Variants in RABGAP1 observed in about 807,000 individuals in gnomAD.
The protein encoded by RABGAP1 is rab GTPase-activating protein 1.
Under a neutral mutation model 137.6 loss-of-function variants are expected in RABGAP1, and 23 were observed. The ratio of observed to expected loss-of-function variants is 0.17; its 90% CI spans 0.12 to 0.24. RABGAP1 has a LOEUF of 0.24. Among genes scored for constraint, RABGAP1 ranks in the 10% least tolerant of loss-of-function variants. The probability of loss-of-function intolerance (pLI) is 1.00; values close to 1 mark genes in which losing one functional copy is unlikely to be tolerated. For synonymous variants in RABGAP1, 451 were observed against 450.7 expected (o/e 1.00, Z -0.01); for missense variants, 906 against 1,275.8 (o/e 0.71, Z 4.42).
At chr9:123,019,849 T>C (rs574828023) in intron 12 of RABGAP1, among the ~76,000 whole-genome samples, 3 of 152,182 alleles carry the variant, frequency 2.0e-5, no homozygotes, top group Admixed American at 2.0e-4. Context: ...GCCACCATGA[T>C]GGGCTAATTT....
chr9:123,008,999 T>C (rs1229597182), intron 10 of RABGAP1, among the ~76,000 whole-genome samples: 1 of 152,214 alleles, frequency 6.6e-6, no homozygotes, highest in African/African-American at 2.4e-5. Flanking sequence ...AGTAGCTAAG[T>C]CAAAATGGCA....
chr9:123,060,573 C>G (rs1170212041), intron 13 of RABGAP1, among the ~76,000 whole-genome samples: 1 of 152,190 alleles, frequency 6.6e-6, no homozygotes, highest in African/African-American at 2.4e-5. Context: ...CTGCCATGTT[C>G]TTTACCAAAG....
intron 13 of RABGAP1, among the ~76,000 whole-genome samples, chr9:123,051,310 C>T (rs1034178678): frequency 5.3e-5 from 7 of 131,844 alleles, no homozygotes; most frequent in African/African-American, 1.7e-4. Flanking sequence ...TGCAATGGCG[C>T]GATCTTGGCC....
chr9:122,989,691 G>T, intron 5 of RABGAP1: 1 of 577,430 alleles, frequency 1.7e-6, no homozygotes, highest in Non-Finnish European at 3.0e-6. Context: ...GAGATCTGTT[G>T]GCTACTTTTG....
At chr9:123,057,808 C>A (rs189484725) in intron 13 of RABGAP1, among the ~76,000 whole-genome samples, 1 of 152,198 alleles carries the variant, frequency 6.6e-6, no homozygotes, top group Non-Finnish European at 1.5e-5. Context: ...CCCAGCACCT[C>A]GGGAGGCTGA....
At chr9:123,101,436 C>T (rs923661815) in intron 24 of RABGAP1, 130 bp from the exon 25 acceptor site, 1 of 819,298 alleles carries the variant, frequency 1.2e-6, no homozygotes. Context: ...TTACAAAGAG[C>T]ACAGGTTTTC....
chr9:123,084,736 A>T (rs1200450876), intron 19 of RABGAP1, among the ~76,000 whole-genome samples: 2 of 152,192 alleles, frequency 1.3e-5, no homozygotes, highest in South Asian at 4.1e-4. Context: ...AAAATACTTC[A>T]CTGTGTGCTA....
At chr9:123,073,232 G>C (rs1014196276) in intron 15 of RABGAP1, among the ~76,000 whole-genome samples, 5 of 152,196 alleles carry the variant, frequency 3.3e-5, no homozygotes, top group African/African-American at 4.8e-5. Flanking sequence ...GTTTCTGACT[G>C]CCTTAGGCAG....
intron 1 of RABGAP1, among the ~76,000 whole-genome samples, chr9:122,943,072 CTTTTTTTTTTT>C (rs10582436): frequency 1.5e-4 from 17 of 116,176 alleles, no homozygotes; most frequent in African/African-American, 6.8e-4. Context: ...GGTGCACTTT[CTTTTTTTTTTT>C]TTTTTTTTTT....
intron 2 of RABGAP1, among the ~76,000 whole-genome samples, chr9:122,964,176 T>C (rs1333731009): frequency 2.0e-5 from 3 of 152,176 alleles, no homozygotes; most frequent in Non-Finnish European, 4.4e-5. Flanking sequence ...CAAACTCTTC[T>C]CTGGAATAGA....
At position 123,089,817 on chromosome 9, in the gene RABGAP1, G is replaced by C. The variant is rs756420919; in HGVS notation, c.2484G>C (p.Gln828His). Reference protein sequence around the residue: ...EKEYHTMREQQAQQEDPIERF... With the variant: ...EKEYHTMREQHAQQEDPIERF... ...AATATCACACCATGAGGGAACAGCA[G>C]GCCCAGCAAGAAGACCCCATCGAGC... is the stretch of plus-strand genomic sequence containing the variant. Residue 828 changes from glutamine to histidine, a missense_variant, in exon 20 of 26, where the codon CAG (glutamine) becomes CAC (histidine). Physicochemically the swap from Gln to His is conservative, Grantham distance 24. This residue lies in a region of RABGAP1 where 77 missense variants were observed against 105.6 expected (regional missense o/e 0.73). Coordinates refer to ENST00000373647, the MANE Select transcript of RABGAP1 (RefSeq NM_012197.4). 1 of 1,613,874 alleles carries C rather than the reference G, an allele frequency of 6.2e-7. No homozygotes were observed. Among genetic ancestry groups the C allele is most frequent in the Non-Finnish European group, 8.5e-7 (1 of 1,179,842 alleles).
At chr9:122,947,207 GACTTAT>G in intron 1 of RABGAP1, among the ~76,000 whole-genome samples, 1 of 152,272 alleles carries the variant, frequency 6.6e-6, no homozygotes, top group South Asian at 2.1e-4. Flanking sequence ...AAACCTTGAA[GACTTAT>G]ACTAAATGAA....
intron 13 of RABGAP1, among the ~76,000 whole-genome samples, chr9:123,028,402 C>T (rs1448128294): frequency 1.3e-5 from 2 of 152,266 alleles, no homozygotes; most frequent in South Asian, 2.1e-4. Flanking sequence ...CATAAAGTTG[C>T]ATGGGAGTTG....
chr9:123,076,610 A>T lies in RABGAP1; in HGVS notation c.2296-24A>T. The stretch of plus-strand genomic sequence containing the variant: ...ATCCTTATAGCAACACATTTTTTCT[A>T]TATGTGTTTGTATTTTCTTCAAGAC... On this transcript the variant is annotated intron_variant, in intron 18 of 25. Coordinates refer to ENST00000373647, the MANE Select transcript of RABGAP1 (RefSeq NM_012197.4). 1.9e-6 allele frequency: 3 copies of T among 1,578,456 alleles called. No homozygotes were observed. In the Admixed American group the frequency reaches 5.9e-5, roughly 31 times the overall value.
intron 24 of RABGAP1, among the ~76,000 whole-genome samples, chr9:123,101,276 G>A (rs762768414): frequency 6.6e-6 from 1 of 152,092 alleles, no homozygotes; most frequent in Non-Finnish European, 1.5e-5. Flanking sequence ...GTTCTACAGT[G>A]AAAATTTTTG....
chr9:123,073,710 AAG>A lies in RABGAP1; in HGVS notation c.2109+36_2109+37del, dbSNP rs753985286. 4.0e-5 allele frequency: 65 copies of A among 1,613,124 alleles called. No individual in the cohort carries two copies. In the African/African-American group the frequency reaches 8.5e-4, roughly 21 times the overall value. ...GAGAAACCAGCTTGTGTTTGACAAAAAGAGTACAGGACTAAGGAGCACCAAAT... is the reference window on the plus strand; with the variant it reads ...GAGAAACCAGCTTGTGTTTGACAAAAAGTACAGGACTAAGGAGCACCAAAT... On this transcript the variant is annotated intron_variant, in intron 16 of 25. Coordinates refer to ENST00000373647, the MANE Select transcript of RABGAP1 (RefSeq NM_012197.4).
chr9:123,073,817 C>A, intron 16 of RABGAP1, 140 bp downstream of exon 16: 2 of 1,167,652 alleles, frequency 1.7e-6, no homozygotes, highest in African/African-American at 1.6e-5. Context: ...TATCCTTTAT[C>A]ACTATGTGAT....
At chr9:122,999,145 A>G (rs1377905374) in intron 10 of RABGAP1, among the ~76,000 whole-genome samples, 2 of 150,692 alleles carry the variant, frequency 1.3e-5, no homozygotes, top group Non-Finnish European at 3.0e-5. Flanking sequence ...TGTCCTTCCT[A>G]TTCTTCTGGC....
At chr9:122,988,481 C>T (rs1836482305) in intron 4 of RABGAP1, among the ~76,000 whole-genome samples, 1 of 139,854 alleles carries the variant, frequency 7.2e-6, no homozygotes, top group South Asian at 2.3e-4. Context: ...GAATGGCATC[C>T]TTTTGCTTTT....
Sources: gnomAD v4.1 joint callset for allele counts (sites outside exome capture counted in the v4.1 genomes callset) on GRCh38, gnomAD v4.1.1 for gene constraint, gnomAD v4.1.1 regional missense constraint, MANE v1.5 for transcripts, NCBI Gene and HGNC (gene_info 2026-07-23, HGNC 2026-07-21) for gene names.